Variants in ARHGAP24 observed in about 807,000 individuals in gnomAD.
ARHGAP24 encodes rho GTPase-activating protein 24.
In ARHGAP24, 50 loss-of-function variants were observed where a neutral mutation model predicts 76.4. The ratio of observed to expected loss-of-function variants is 0.65; its 90% CI spans 0.52 to 0.83. The LOEUF (loss-of-function observed/expected upper bound fraction) is 0.83. Ranked by LOEUF, ARHGAP24 falls within the 40% of genes least tolerant of loss-of-function variation. The pLI, the probability that ARHGAP24 is intolerant of heterozygous loss-of-function variation, is 0.00. For missense variants in ARHGAP24, 930 were observed against 914.2 expected (o/e 1.02, Z -0.22); for synonymous variants, 345 against 323.3 (o/e 1.07, Z -0.72).
chr4:85,649,011 A>ATG (rs3028048), intron 2 of ARHGAP24, among the ~76,000 whole-genome samples: 10,197 of 147,982 alleles, frequency 0.069, 361 homozygotes, highest in South Asian at 0.11. Context: ...ATTTGTAAAT[A>ATG]TGTGTGTGTG....
chr4:85,513,569 A>G (rs1265912915), intron 1 of ARHGAP24, among the ~76,000 whole-genome samples: 1 of 151,658 alleles, frequency 6.6e-6, no homozygotes, highest in Non-Finnish European at 1.5e-5. Context: ...TAAAAAAAAA[A>G]GCTTCCTTGC....
At chr4:85,762,035 T>G (rs1404140577) in intron 3 of ARHGAP24, among the ~76,000 whole-genome samples, 1 of 152,186 alleles carries the variant, frequency 6.6e-6, no homozygotes, top group Non-Finnish European at 1.5e-5. Context: ...AGTTGGCCAG[T>G]GGCCATGGTA....
At chr4:85,561,979 A>G (rs925400677) in intron 1 of ARHGAP24, among the ~76,000 whole-genome samples, 14 of 152,218 alleles carry the variant, frequency 9.2e-5, no homozygotes, top group African/African-American at 3.4e-4. Flanking sequence ...GGCATCTATA[A>G]TAAGGCAACA....
intron 1 of ARHGAP24, among the ~76,000 whole-genome samples, chr4:85,497,582 G>T (rs1018811624): frequency 6.6e-6 from 1 of 152,076 alleles, no homozygotes; most frequent in African/African-American, 2.4e-5. Flanking sequence ...AGCAATTTGG[G>T]AGGCTGAGGC....
chr4:85,864,095 A>G (rs1042951263), intron 3 of ARHGAP24, among the ~76,000 whole-genome samples: 1 of 152,082 alleles, frequency 6.6e-6, no homozygotes, highest in Non-Finnish European at 1.5e-5. Context: ...TCCTTACCAT[A>G]CACATGACTG....
chr4:85,662,368 GT>G (rs1311108773), intron 2 of ARHGAP24, among the ~76,000 whole-genome samples: 1 of 150,692 alleles, frequency 6.6e-6, no homozygotes, highest in Non-Finnish European at 1.5e-5. Flanking sequence ...GGGGTTGTTT[GT>G]TTTTTTATTG....
chr4:85,658,499 G>T (rs1179467773), intron 2 of ARHGAP24, among the ~76,000 whole-genome samples: 1 of 152,214 alleles, frequency 6.6e-6, no homozygotes, highest in South Asian at 2.1e-4. Flanking sequence ...TTGATCTCCA[G>T]CTTCTTATAC....
chr4:85,497,496 C>A (rs72976481), intron 1 of ARHGAP24, among the ~76,000 whole-genome samples: 2,932 of 152,302 alleles, frequency 0.019, 94 homozygotes, highest in African/African-American at 0.066. Flanking sequence ...AAATGTATAT[C>A]TGCAAAATCA....
At chr4:85,581,420 C>T (rs991583838) in intron 2 of ARHGAP24, among the ~76,000 whole-genome samples, 2 of 152,136 alleles carry the variant, frequency 1.3e-5, no homozygotes, top group Admixed American at 1.3e-4. Flanking sequence ...TGTAATTCTT[C>T]ACTCATGTTT....
intron 3 of ARHGAP24, among the ~76,000 whole-genome samples, chr4:85,888,090 G>A (rs1733666343): frequency 6.6e-6 from 1 of 151,794 alleles, no homozygotes; most frequent in Admixed American, 6.6e-5. Context: ...GTCATGTTTT[G>A]GTAACTCTCG....
At chr4:85,584,488 GC>G (rs1454064960) in intron 2 of ARHGAP24, among the ~76,000 whole-genome samples, 1 of 151,488 alleles carries the variant, frequency 6.6e-6, no homozygotes, top group African/African-American at 2.4e-5. Context: ...TATACCTAAT[GC>G]TAAATGACGA....
chr4:85,626,218 C>T (rs1560558946), intron 2 of ARHGAP24, among the ~76,000 whole-genome samples: 1 of 152,128 alleles, frequency 6.6e-6, no homozygotes, highest in Non-Finnish European at 1.5e-5. Flanking sequence ...CTGGTTTTTC[C>T]TTTCCATGTT....
intron 3 of ARHGAP24, among the ~76,000 whole-genome samples, chr4:85,899,387 C>G (rs918824209): frequency 1.3e-5 from 2 of 152,126 alleles, no homozygotes; most frequent in Non-Finnish European, 2.9e-5. Flanking sequence ...TCAGTAGTAC[C>G]TTTTAGATCC....
At chr4:85,797,172 T>C (rs28772630) in intron 3 of ARHGAP24, among the ~76,000 whole-genome samples, 1 of 145,160 alleles carries the variant, frequency 6.9e-6, no homozygotes, top group Non-Finnish European at 1.5e-5. Flanking sequence ...TTTTTTTTTT[T>C]GTTTTTGTTT....
At chr4:85,993,133 T>C (rs1740435092) in intron 8 of ARHGAP24, among the ~76,000 whole-genome samples, 1 of 152,170 alleles carries the variant, frequency 6.6e-6, no homozygotes, top group South Asian at 2.1e-4. Flanking sequence ...TTGCATCTAC[T>C]ACAGTGTTTC....
chr4:85,922,192 TC>T (rs1413802227), intron 3 of ARHGAP24, among the ~76,000 whole-genome samples: 1 of 152,230 alleles, frequency 6.6e-6, no homozygotes, highest in Non-Finnish European at 1.5e-5. Context: ...TACTAGTTGT[TC>T]AACTGGTTGG....
At chr4:85,813,800 A>AATATATATATATTTATTTTATATATATAT (rs1729113617) in intron 3 of ARHGAP24, among the ~76,000 whole-genome samples, 1 of 125,872 alleles carries the variant, frequency 7.9e-6, no homozygotes, top group African/African-American at 3.0e-5. Flanking sequence ...TAGTTATATA[A>AATATATATATATTTATTTTATATATATAT]ATATATATAT....
At chr4:85,479,727 A>G (rs1310027727) in intron 1 of ARHGAP24, among the ~76,000 whole-genome samples, 1 of 152,178 alleles carries the variant, frequency 6.6e-6, no homozygotes, top group Admixed American at 6.5e-5. Flanking sequence ...CTTCCTGAAA[A>G]AAATTCTTTG....
chr4:85,932,589 A>G (rs1736401122), intron 4 of ARHGAP24, among the ~76,000 whole-genome samples: 2 of 152,148 alleles, frequency 1.3e-5, no homozygotes, highest in African/African-American at 4.8e-5. Flanking sequence ...GGACTGGCAA[A>G]TGGCCAACAC....
Sources: allele counts gnomAD v4.1 joint callset (sites outside exome capture counted in the v4.1 genomes callset), GRCh38; gene constraint gnomAD v4.1.1; transcripts MANE v1.5; gene names NCBI Gene and HGNC (gene_info 2026-07-23, HGNC 2026-07-21).